Variants in LAMA3 observed in about 807,000 individuals in gnomAD.
LAMA3 encodes laminin subunit alpha 3, also known as laminin subunit alpha-3.
Under a neutral mutation model 402.0 loss-of-function variants are expected in LAMA3, and 281 were observed. That is an observed-to-expected ratio of 0.70 (90% CI 0.63 to 0.77). The LOEUF is 0.77. Ranked by LOEUF, LAMA3 falls within the 30% of genes least tolerant of loss-of-function variation. The probability of loss-of-function intolerance (pLI) is 0.00; values close to 1 mark genes in which losing one functional copy is unlikely to be tolerated. For missense variants in LAMA3, 3,840 were observed against 4,215.5 expected, an observed-to-expected ratio of 0.91 and a Z score of 2.47; for synonymous variants, 1,431 against 1,558.4, an observed-to-expected ratio of 0.92 and a Z score of 1.93.
At chr18:23,906,049 G>A (rs9948008) in intron 52 of LAMA3, among the ~76,000 whole-genome samples, 70,961 of 151,894 alleles carry the variant, frequency 0.47, 18,674 homozygotes, top group Non-Finnish European at 0.61. Context: ...ACAAGCATGA[G>A]CCACCATGCC....
intron 2 of LAMA3, among the ~76,000 whole-genome samples, chr18:23,732,332 C>T (rs1054056083): frequency 1.3e-5 from 2 of 151,958 alleles, no homozygotes; most frequent in Non-Finnish European, 2.9e-5. Flanking sequence ...AGATGAGATC[C>T]AGGAGGAGGA....
intron 9 of LAMA3, 53 bp from the exon 10 acceptor site, chr18:23,775,739 C>G: frequency 6.2e-7 from 1 of 1,607,890 alleles, no homozygotes. Flanking sequence ...AACATATTTG[C>G]TTTGTTAAGT....
intron 48 of LAMA3, among the ~76,000 whole-genome samples, 172 bp downstream of exon 48, chr18:23,901,495 T>C (rs570967058): frequency 1.5e-4 from 23 of 152,338 alleles, no homozygotes; most frequent in African/African-American, 5.5e-4. Flanking sequence ...TAGTTGTTTC[T>C]AGTCTTCAGC....
chr18:23,767,578 C>CTTCTTT (rs2062101455), intron 8 of LAMA3, among the ~76,000 whole-genome samples: 1 of 125,806 alleles, frequency 7.9e-6, no homozygotes, highest in Non-Finnish European at 1.6e-5. Flanking sequence ...TCTTTCTTTT[C>CTTCTTT]TTTTTTTTTT....
At chr18:23,757,170 G>T (rs2061864645) in intron 6 of LAMA3, among the ~76,000 whole-genome samples, 1 of 152,124 alleles carries the variant, frequency 6.6e-6, no homozygotes, top group Middle Eastern at 3.4e-3. Flanking sequence ...ACGCTCCTAG[G>T]AAAACAACCA....
At chr18:23,919,520 G>A (rs1043488651) in intron 60 of LAMA3, among the ~76,000 whole-genome samples, 1 of 152,196 alleles carries the variant, frequency 6.6e-6, no homozygotes. Context: ...GTGAAGAGCT[G>A]TATCAAGGAA....
chr18:23,713,001 T>A (rs1020975161), intron 1 of LAMA3, among the ~76,000 whole-genome samples: 4 of 152,058 alleles, frequency 2.6e-5, no homozygotes, highest in African/African-American at 9.7e-5. Flanking sequence ...AGGTTTTAGA[T>A]AGTAAATGGC....
At chr18:23,826,250 TG>T (rs1390882244) in intron 21 of LAMA3, among the ~76,000 whole-genome samples, 1 of 152,218 alleles carries the variant, frequency 6.6e-6, no homozygotes, top group African/African-American at 2.4e-5. Flanking sequence ...AGTTCCATTC[TG>T]TGAATCACCA....
intron 66 of LAMA3, among the ~76,000 whole-genome samples, chr18:23,932,741 A>C (rs1487166466): frequency 6.6e-6 from 1 of 152,206 alleles, no homozygotes; most frequent in African/African-American, 2.4e-5. Context: ...GCTTCCATGC[A>C]AGTGTTTACA....
chr18:23,874,988 C>T (rs571856636), intron 38 of LAMA3, among the ~76,000 whole-genome samples: 92 of 152,278 alleles, frequency 6.0e-4, no homozygotes, highest in Non-Finnish European at 1.0e-3. Flanking sequence ...CTCAACCTCC[C>T]GAGTAGCTGG....
rs1433112506 is a variant in LAMA3 at position 23,954,922 on chromosome 18, A to G, written c.*274A>G. ...TTTTTGGTAATATTAATTTCCACTA[A>G]AAAATTAAATGTCTTTTAAGAAACA... On this transcript the variant is annotated 3_prime_UTR_variant, in exon 75 of 75. Transcript: ENST00000313654. 1.4e-5 allele frequency: 6 copies of G among 417,294 alleles called. No individual in the cohort carries two copies. The East Asian group carries it at 2.8e-4, about 20-fold the overall frequency. 25.8% of individuals were successfully genotyped at this position (417,294 alleles called of 1,614,324 possible). A position where few individuals can be genotyped will look rare whatever the true frequency, so the allele number is the denominator to read the frequency against.
chr18:23,940,311 G>T (rs1299588520), intron 68 of LAMA3, among the ~76,000 whole-genome samples: 1 of 152,174 alleles, frequency 6.6e-6, no homozygotes, highest in Non-Finnish European at 1.5e-5. Flanking sequence ...TGCCTGCAGT[G>T]CCCCCAAGCA....
chr18:23,898,826 A>G lies in LAMA3; in HGVS notation c.5702A>G (p.Glu1901Gly). The change falls in exon 45 of 75, where the codon GAA becomes GGA. Residue 1901 changes from glutamate (E) to glycine (G), a missense_variant. Glu to Gly is a moderately conservative substitution (Grantham distance 98). This residue lies in a region of LAMA3 where 891 missense variants were observed against 857.5 expected (regional missense o/e 1.04). Transcript: ENST00000313654. ...LERELTDLNQ[E>G]FETLQEKAQV... ...AGAGAACTGACTGATTTGAATCAAG[A>G]ATTTGAGACTTTGCAAGAAAAGGTA... is the stretch of plus-strand genomic sequence containing the variant. 1.9e-6 allele frequency: 3 copies of G among 1,609,962 alleles called. No homozygotes were observed. The highest frequency in any genetic ancestry group is 2.6e-6 in the Non-Finnish European group (3 of 1,176,238).
chr18:23,924,353 T>C (rs758754212), intron 62 of LAMA3, among the ~76,000 whole-genome samples: 5 of 151,624 alleles, frequency 3.3e-5, no homozygotes, highest in Non-Finnish European at 7.4e-5. Context: ...GGGTTCCCCA[T>C]GTTGTCCAGG....
intron 4 of LAMA3, among the ~76,000 whole-genome samples, chr18:23,750,149 G>A (rs1400604930): frequency 6.6e-6 from 1 of 152,206 alleles, no homozygotes; most frequent in Non-Finnish European, 1.5e-5. Context: ...GTTGCATTTG[G>A]CCCTTGTAAA....
Position 23,903,069 on chromosome 18 carries a change from G to T in LAMA3, c.6262G>T (p.Asp2088Tyr). The T allele has an allele frequency of 6.2e-7, 1 of 1,613,574 alleles. No homozygotes were observed. The highest frequency in any genetic ancestry group is 8.5e-7 in the Non-Finnish European group (1 of 1,179,638). The change falls in exon 49 of 75, where the codon GAC (aspartate) becomes TAC (tyrosine). Residue 2088 changes from aspartate (D) to tyrosine (Y), a missense_variant. Asp to Tyr is a radical substitution (Grantham distance 160). Around this residue, in one of 3 missense-constraint regions of LAMA3, gnomAD observed 891 missense variants for 857.5 expected, o/e 1.04. Coordinates refer to ENST00000313654, the MANE Select transcript of LAMA3 (RefSeq NM_198129.4). ...SDFTKYLTTA[D>Y]SSLLQTNIAL... is the part of the protein sequence containing the mutation. ...TTTCACCAAGTATCTAACCACTGCAGACTCATCTTTGTTGCAAACCAACAT... is the reference window on the plus strand; with the variant it reads ...TTTCACCAAGTATCTAACCACTGCATACTCATCTTTGTTGCAAACCAACAT...
Position 23,747,926 on chromosome 18 carries a change from C to T in LAMA3, c.448-17C>T. The T allele has an allele frequency of 7.5e-7, 1 of 1,339,560 alleles. No homozygotes were observed. The allele number at this position is 1,339,560 out of a possible 1,614,324, so 83.0% of individuals were successfully genotyped here. On this transcript the variant is annotated splice_polypyrimidine_tract_variant and intron_variant, in intron 2 of 74. Coordinates refer to ENST00000313654, the MANE Select transcript of LAMA3 (RefSeq NM_198129.4). The stretch of plus-strand genomic sequence containing the variant: ...GATGAGATGACATTAATAACTGTAT[C>T]TCTTTTGTTTTATCAGCTCTTCCAT...
At chr18:23,806,410 C>G (rs965598598) in intron 12 of LAMA3, among the ~76,000 whole-genome samples, 1 of 152,072 alleles carries the variant, frequency 6.6e-6, no homozygotes, top group African/African-American at 2.4e-5. Context: ...GATTTGAGTC[C>G]AGTTATCAGT....
At position 23,879,927 on chromosome 18, in the gene LAMA3, C is replaced by T. The variant is rs1032049985; in HGVS notation, c.5113-2009C>T. Among the ~76,000 whole-genome samples, 2 of 152,224 alleles carry T rather than the reference C, an allele frequency of 1.3e-5. No homozygotes were observed. Among genetic ancestry groups the T allele is most frequent in the Admixed American group, 1.3e-4 (2 of 15,282 alleles). On this transcript the variant is annotated intron_variant, in intron 39 of 74. Coordinates refer to ENST00000313654, the MANE Select transcript of LAMA3 (RefSeq NM_198129.4). The surrounding 1 kb of genome is among the most constrained non-coding windows in gnomAD (Gnocchi z 4.2). ...TTCTTGCATCTGTACATTCTTGCTT[C>T]TCCAATGTGTTCAGTCTCAGAGCTA...
Sources: allele counts gnomAD v4.1 joint callset (sites outside exome capture counted in the v4.1 genomes callset), GRCh38; gene constraint gnomAD v4.1.1; regional missense constraint gnomAD v4.1.1; non-coding constraint Gnocchi (gnomAD v3.1); transcripts MANE v1.5; gene names NCBI Gene and HGNC (gene_info 2026-07-23, HGNC 2026-07-21).